Variants in ZNF462 observed in about 807,000 individuals in gnomAD.
The protein encoded by ZNF462 is zinc finger PBX1-interacting protein.
In ZNF462, 10 loss-of-function variants were observed where a neutral mutation model predicts 201.9. The ratio of observed to expected loss-of-function variants is 0.05; its 90% confidence interval spans 0.03 to 0.08. ZNF462 has a LOEUF of 0.08. ZNF462 is among the 10% of genes least tolerant of loss of function. The probability of loss-of-function intolerance (pLI) is 1.00; values close to 1 mark genes in which losing one functional copy is unlikely to be tolerated. For missense variants in ZNF462, 2,523 were observed against 3,168.3 expected (o/e 0.80, Z 4.89); for synonymous variants, 1,227 against 1,193.3 (o/e 1.03, Z -0.58).
At chr9:106,916,514 T>A (rs943775542) in intron 1 of ZNF462, among the ~76,000 whole-genome samples, 1 of 151,866 alleles carries the variant, frequency 6.6e-6, no homozygotes, top group Non-Finnish European at 1.5e-5. Context: ...TTCTGAAGAG[T>A]CGATAAAGCA....
At chr9:107,007,285 A>G (rs1829615890) in intron 11 of ZNF462, among the ~76,000 whole-genome samples, 1 of 152,206 alleles carries the variant, frequency 6.6e-6, no homozygotes, top group Non-Finnish European at 1.5e-5. Context: ...AATTTAAAAC[A>G]TGGTGGTTGA....
chr9:106,946,204 A>G (rs1220049410), intron 7 of ZNF462, among the ~76,000 whole-genome samples: 3 of 152,202 alleles, frequency 2.0e-5, no homozygotes, highest in Non-Finnish European at 2.9e-5. Context: ...CTGACTTTCA[A>G]ATCTCTGGGT....
intron 10 of ZNF462, among the ~76,000 whole-genome samples, chr9:106,994,866 A>G (rs968734324): frequency 6.6e-6 from 1 of 152,100 alleles, no homozygotes; most frequent in African/African-American, 2.4e-5. Context: ...GCTTCCATAG[A>G]ACTTTTCTCT....
rs954096368 is a variant in ZNF462, at chr9:106,913,336, C to T, written c.-30-10018C>T. Reference sequence around the variant, plus strand: ...TCCTTAGGTTCTTGAACGTTTAGTTCGATTTTGTACCACTGGTTAATTTTC... The same window carrying T: ...TCCTTAGGTTCTTGAACGTTTAGTTTGATTTTGTACCACTGGTTAATTTTC... On this transcript the variant is annotated intron_variant, in intron 1 of 12. Coordinates refer to ENST00000277225, the MANE Select transcript of ZNF462 (RefSeq NM_021224.6). This position sits in a 1 kb window ranked among gnomAD's most constrained non-coding sequence, Gnocchi z 4.1. Among the ~76,000 whole-genome samples, 17 of 152,056 alleles carry T rather than the reference C, an allele frequency of 1.1e-4. No homozygotes were observed. The highest frequency in any genetic ancestry group is 1.5e-4 in the Non-Finnish European group (10 of 68,000).
chr9:106,960,583 G>A (rs1441897284), intron 7 of ZNF462, among the ~76,000 whole-genome samples: 2 of 152,048 alleles, frequency 1.3e-5, no homozygotes, highest in African/African-American at 4.8e-5. Flanking sequence ...AGAGTCACAG[G>A]TGAATTATGC....
chr9:106,974,402 A>G lies in ZNF462; in HGVS notation c.6832+129A>G. On this transcript the variant is annotated intron_variant, in intron 9 of 12. Coordinates refer to ENST00000277225, the MANE Select transcript of ZNF462 (RefSeq NM_021224.6). This position sits in a 1 kb window ranked among gnomAD's most constrained non-coding sequence, Gnocchi z 4.0. ...TCCTCACCTTATCTTCAGGCAAGAA[A>G]CCACAGTGATAACCACAGTGACAGC... is the stretch of plus-strand genomic sequence containing the variant. The G allele has an allele frequency of 2.1e-6, 3 of 1,415,510 alleles. No homozygotes were observed. In the East Asian group the frequency reaches 6.8e-5, roughly 32 times the overall value. 87.7% of individuals were successfully genotyped at this position (1,415,510 alleles called of 1,614,324 possible).
At chr9:106,898,082 T>C (rs931796570) in intron 1 of ZNF462, among the ~76,000 whole-genome samples, 1 of 152,214 alleles carries the variant, frequency 6.6e-6, no homozygotes, top group African/African-American at 2.4e-5. Flanking sequence ...ATCATCAGTT[T>C]ATATTTAATG....
chr9:106,898,547 C>T (rs969266048), intron 1 of ZNF462, among the ~76,000 whole-genome samples: 1 of 152,124 alleles, frequency 6.6e-6, no homozygotes, highest in Non-Finnish European at 1.5e-5. Flanking sequence ...TGCTAAATAT[C>T]CTACAATGCC....
chr9:106,864,382 G>C (rs891950452), intron 1 of ZNF462, among the ~76,000 whole-genome samples: 2 of 152,022 alleles, frequency 1.3e-5, no homozygotes, highest in Admixed American at 6.5e-5. Flanking sequence ...GGGGCCTGGG[G>C]GGGCGTCTCA....
Position 106,974,508 on chromosome 9 carries a change from A to G in ZNF462, c.6832+235A>G, listed in dbSNP as rs1183572238. ...AAAGGTGATGGATTCTGCAGTGAAC[A>G]TTTCCGTAGGGCTTCCCAGCATGGG... On this transcript the variant is annotated intron_variant, in intron 9 of 12. Coordinates refer to ENST00000277225, the MANE Select transcript of ZNF462 (RefSeq NM_021224.6). The surrounding 1 kb of genome is among the most constrained non-coding windows in gnomAD (Gnocchi z 4.0). 2.4e-5 allele frequency: 14 copies of G among 590,536 alleles called. No individual in the cohort carries two copies. In the South Asian group the frequency reaches 2.5e-4, roughly 10 times the overall value. The allele number at this position is 590,536 out of a possible 1,614,324, so 36.6% of individuals were successfully genotyped here.
At position 107,013,582 on chromosome 9, in the gene ZNF462, A is replaced by G. The variant is rs1332286656; in HGVS notation, c.*2552A>G. The stretch of plus-strand genomic sequence containing the variant: ...GTAGGTTATTCAAGTTGTTTGCAAC[A>G]TACATTTTGTAATGAAATGTGAGAA... On this transcript the variant is annotated 3_prime_UTR_variant, in exon 13 of 13. Coordinates refer to ENST00000277225, the MANE Select transcript of ZNF462 (RefSeq NM_021224.6). 6.6e-6 allele frequency: 1 copy of G among 152,230 alleles called. No individual in the cohort carries two copies. The highest frequency in any genetic ancestry group is 1.5e-5 in the Non-Finnish European group (1 of 68,032). 9.4% of individuals were successfully genotyped at this position (152,230 alleles called of 1,614,324 possible).
intron 1 of ZNF462, among the ~76,000 whole-genome samples, chr9:106,915,530 C>A (rs1426227743): frequency 6.6e-6 from 1 of 152,028 alleles, no homozygotes; most frequent in African/African-American, 2.4e-5. Context: ...TATTCCAGTC[C>A]CATATAGAAA....
intron 10 of ZNF462, among the ~76,000 whole-genome samples, chr9:106,999,231 C>A (rs1828985031): frequency 6.6e-6 from 1 of 152,070 alleles, no homozygotes. Flanking sequence ...AAGTGTGTTT[C>A]TCTCAATATG....
In ZNF462 at chr9:106,978,554, C is replaced by T. The variant is rs1031785909; in HGVS notation, c.6832+4281C>T. Among the ~76,000 whole-genome samples, 3 of 151,408 alleles carry T rather than the reference C, an allele frequency of 2.0e-5. No individual in the cohort carries two copies. The highest frequency in any genetic ancestry group is 4.9e-5 in the African/African-American group (2 of 40,754). On this transcript the variant is annotated intron_variant, in intron 9 of 12. Transcript: ENST00000277225. The surrounding 1 kb of genome is among the most constrained non-coding windows in gnomAD (Gnocchi z 4.1). ...GAACTGTGAACTTAGGTCAGATCAA[C>T]GTTTGGTGAGATTGACCATGATTTG...
At chr9:106,893,839 G>T (rs971881562) in intron 1 of ZNF462, among the ~76,000 whole-genome samples, 3 of 152,172 alleles carry the variant, frequency 2.0e-5, no homozygotes, top group African/African-American at 7.2e-5. Context: ...CTTGTACTAC[G>T]TGGTAGGTGT....
chr9:106,978,918 T>C lies in ZNF462; in HGVS notation c.6832+4645T>C. 1 of 323,364 alleles carries C rather than the reference T, an allele frequency of 3.1e-6. No homozygotes were observed. Among genetic ancestry groups the C allele is most frequent in the East Asian group, 1.1e-4 (1 of 9,516 alleles). 20.0% of individuals were successfully genotyped at this position (323,364 alleles called of 1,614,324 possible). A position where few individuals can be genotyped will look rare whatever the true frequency, so the allele number is the denominator to read the frequency against. On this transcript the variant is annotated intron_variant, in intron 9 of 12. Transcript: ENST00000277225. This position sits in a 1 kb window ranked among gnomAD's most constrained non-coding sequence, Gnocchi z 4.1. ...GTCATTATAATTGGTCCTGATGGCT[T>C]CTACCAGCTTAGCCAAAGCGCCTTT...
At chr9:106,898,983 A>G (rs1828932264) in intron 1 of ZNF462, among the ~76,000 whole-genome samples, 1 of 152,284 alleles carries the variant, frequency 6.6e-6, no homozygotes, top group East Asian at 1.9e-4. Flanking sequence ...AAACTATGCC[A>G]AATGCTTTAT....
chr9:106,879,015 A>G (rs1223764963), intron 1 of ZNF462, among the ~76,000 whole-genome samples: 1 of 152,180 alleles, frequency 6.6e-6, no homozygotes, highest in Admixed American at 6.5e-5. Context: ...CCAAGAGGCA[A>G]ACAGACCATC....
chr9:106,921,993 G>A (rs541834582), intron 1 of ZNF462, among the ~76,000 whole-genome samples: 1 of 152,358 alleles, frequency 6.6e-6, no homozygotes, highest in Middle Eastern at 3.4e-3. Context: ...TCCAGAACTG[G>A]ACTTGCCAGA....
Sources: gnomAD v4.1 joint callset for allele counts (sites outside exome capture counted in the v4.1 genomes callset) on GRCh38, gnomAD v4.1.1 for gene constraint, Gnocchi (gnomAD v3.1) non-coding constraint, MANE v1.5 for transcripts, NCBI Gene and HGNC (gene_info 2026-07-23, HGNC 2026-07-21) for gene names.